The following CDKL4 variants were observed in gnomAD, a reference collection of about 807,000 sequenced individuals.
CDKL4 encodes the protein cyclin-dependent kinase-like 4.
Under a neutral mutation model 42.0 loss-of-function variants are expected in CDKL4, and 44 were observed. That is an observed-to-expected ratio of 1.05 (90% confidence interval 0.82 to 1.35). CDKL4 has a LOEUF of 1.35. Ranked by LOEUF, CDKL4 falls within the 40% of genes most tolerant of loss-of-function variation. CDKL4 has a pLI of 0.00. For synonymous variants in CDKL4, 120 were observed against 121.6 expected (o/e 0.99, Z 0.09); for missense variants, 393 against 369.9 (o/e 1.06, Z -0.51).
At chr2:39,173,083 G>A (rs1010991738), downstream of CDKL4, among the ~76,000 whole-genome samples, 16 of 152,078 alleles carry the variant, frequency 1.1e-4, no homozygotes, top group Admixed American at 8.5e-4. Flanking sequence ...CAAAAACTTC[G>A]TTGTTATTTG....
downstream of CDKL4, among the ~76,000 whole-genome samples, chr2:39,173,109 C>A (rs1675044868): frequency 6.6e-6 from 1 of 152,112 alleles, no homozygotes; most frequent in Non-Finnish European, 1.5e-5. Context: ...TAATTACAAG[C>A]AAAATGGGCA....
intron 6 of CDKL4, among the ~76,000 whole-genome samples, chr2:39,189,175 A>G (rs1572954353): frequency 6.6e-6 from 1 of 152,230 alleles, no homozygotes; most frequent in Non-Finnish European, 1.5e-5. Flanking sequence ...CCATGCTGCC[A>G]GGAGAGCCTG....
In CDKL4 at chr2:39,185,448, ATATACATATGTG is replaced by A. The variant is rs1394152652; in HGVS notation, c.736-813_736-802del. Among the ~76,000 whole-genome samples, 52 of 102,872 alleles carry A rather than the reference ATATACATATGTG, an allele frequency of 5.1e-4. 4 individuals are homozygous for A. The highest frequency in any genetic ancestry group is 1.6e-3 in the African/African-American group (42 of 26,388). The allele number at this position is 102,872 out of a possible 152,430, so 67.5% of individuals were successfully genotyped here. A position where few individuals can be genotyped will look rare whatever the true frequency, so the allele number is the denominator to read the frequency against. ...TATACATATGTATATATACATGTAT[ATATACATATGTG>A]TATATATATATATATATATTTGAGA... On this transcript the variant is annotated intron_variant, in intron 7 of 9. Coordinates refer to ENST00000451199, the Ensembl canonical transcript of CDKL4.
intron 2 of CDKL4, among the ~76,000 whole-genome samples, chr2:39,227,652 TG>T (rs1678837040): frequency 6.6e-6 from 1 of 151,890 alleles, no homozygotes. Context: ...AGGCAAAGAG[TG>T]GAAGAGACTA....
At chr2:39,233,912 C>CT (rs35337082) in intron 1 of CDKL4, among the ~76,000 whole-genome samples, 63 of 90,566 alleles carry the variant, frequency 7.0e-4, no homozygotes, top group African/African-American at 1.4e-3. Flanking sequence ...TTTATTTTTA[C>CT]TTTTTTTTTT....
At chr2:39,236,089 C>A (rs1162352583) in intron 1 of CDKL4, among the ~76,000 whole-genome samples, 1 of 138,578 alleles carries the variant, frequency 7.2e-6, no homozygotes, top group African/African-American at 2.7e-5. Context: ...GACAATGACT[C>A]AATGAAGAGG....
intron 5 of CDKL4, among the ~76,000 whole-genome samples, chr2:39,191,125 A>T (rs1002409152): frequency 2.0e-5 from 3 of 152,160 alleles, no homozygotes; most frequent in Non-Finnish European, 4.4e-5. Flanking sequence ...GAGGCCGGGC[A>T]TGGTGGCTCA....
intron 1 of CDKL4, among the ~76,000 whole-genome samples, chr2:39,234,525 C>A (rs967774037): frequency 6.6e-6 from 1 of 152,046 alleles, no homozygotes; most frequent in African/African-American, 2.4e-5. Flanking sequence ...GAAGACAAAA[C>A]AATGAAACAG....
chr2:39,179,286 G>C (rs755371110), exon 9 of CDKL4: 2 of 1,608,612 alleles, frequency 1.2e-6, no homozygotes, highest in South Asian at 1.1e-5. Context: ...GTTGGGAACA[G>C]GTTAATCTGT....
rs1329617732 is a variant in CDKL4 at position 39,229,404 on chromosome 2, A to T, written c.129T>A (p.Val43=). ...TTTCTCTTAGTGCTATTTTCTTAAC[A>T]ACAGGATCATCTTCAGATTCCACAA... Residue 43 remains valine (V), a synonymous_variant, in exon 2 of 10, where the codon GTT becomes GTA. Transcript: ENST00000451199. 4 of 1,610,006 alleles carry T rather than the reference A, an allele frequency of 2.5e-6. No individual in the cohort carries two copies. In the African/African-American group the frequency reaches 4.0e-5, roughly 16 times the overall value.
chr2:39,168,134 A>C, the CDKL4 span, among the ~76,000 whole-genome samples: 1 of 152,162 alleles, frequency 6.6e-6, no homozygotes. Context: ...TTAACATAAT[A>C]AAACTAAAAT....
At chr2:39,208,820 T>A (rs912175973) in intron 4 of CDKL4, among the ~76,000 whole-genome samples, 2 of 152,002 alleles carry the variant, frequency 1.3e-5, no homozygotes, top group Non-Finnish European at 2.9e-5. Flanking sequence ...AAATTGCTTC[T>A]TAAATAGCCT....
chr2:39,241,052 C>A (rs758315557), intron 1 of CDKL4, among the ~76,000 whole-genome samples: 9 of 152,174 alleles, frequency 5.9e-5, no homozygotes, highest in Non-Finnish European at 1.2e-4. Context: ...GACTGGTGAA[C>A]AACATGACCA....
downstream of CDKL4, among the ~76,000 whole-genome samples, chr2:39,172,667 C>T (rs1373292846): frequency 6.6e-6 from 1 of 152,092 alleles, no homozygotes; most frequent in Admixed American, 6.5e-5. Flanking sequence ...CTACAATCTC[C>T]GCCTCCTGAG....
At chr2:39,246,586 A>T (rs145043429), upstream of CDKL4, among the ~76,000 whole-genome samples, 990 of 152,256 alleles carry the variant, frequency 6.5e-3, 12 homozygotes, top group African/African-American at 0.023. Context: ...ATTCAATTCA[A>T]TGTCACTATT....
intron 5 of CDKL4, among the ~76,000 whole-genome samples, chr2:39,196,933 A>G (rs955343399): frequency 6.6e-6 from 1 of 152,146 alleles, no homozygotes; most frequent in African/African-American, 2.4e-5. Context: ...AACACTTCCA[A>G]AAGATCACAC....
At chr2:39,212,094 C>A (rs1177095110) in intron 4 of CDKL4, among the ~76,000 whole-genome samples, 2 of 152,168 alleles carry the variant, frequency 1.3e-5, no homozygotes, top group Non-Finnish European at 2.9e-5. Flanking sequence ...ATGAGAAATG[C>A]ACATTCTTGG....
At chr2:39,203,949 C>A (rs866712390) in intron 5 of CDKL4, among the ~76,000 whole-genome samples, 1 of 152,116 alleles carries the variant, frequency 6.6e-6, no homozygotes, top group Non-Finnish European at 1.5e-5. Flanking sequence ...ACCCAGACTG[C>A]GAGGTGTATG....
At position 39,190,576 on chromosome 2, in the gene CDKL4, A is replaced by G. The variant is rs1455731023; in HGVS notation, c.455-74T>C. The G allele has an allele frequency of 3.1e-6, 4 of 1,283,260 alleles. No homozygotes were observed. In the South Asian group the frequency reaches 4.9e-5, roughly 16 times the overall value. The allele number at this position is 1,283,260 out of a possible 1,614,324, so 79.5% of individuals were successfully genotyped here. On this transcript the variant is annotated intron_variant, in intron 5 of 9. Coordinates refer to ENST00000451199, the Ensembl canonical transcript of CDKL4. ...AACTGCTCCCAAGAACACATCAGGC[A>G]TTCAGGCTGCAATAACCATCAGAGG...
Sources: allele counts gnomAD v4.1 joint callset (sites outside exome capture counted in the v4.1 genomes callset), GRCh38; gene constraint gnomAD v4.1.1; transcripts MANE v1.5; gene names NCBI Gene and HGNC (gene_info 2026-07-23, HGNC 2026-07-21).